Variants in RFFL observed in about 807,000 individuals in gnomAD.
RFFL encodes ring finger and FYVE like domain containing E3 ubiquitin protein ligase.
A neutral mutation model predicts 40.4 loss-of-function variants in RFFL; 16 were observed. The ratio of observed to expected loss-of-function variants is 0.40; its 90% confidence interval spans 0.27 to 0.60. The LOEUF is 0.60. Among genes scored for constraint, RFFL ranks in the 20% least tolerant of loss-of-function variants. The pLI, the probability that RFFL is intolerant of heterozygous loss-of-function variation, is 0.47. For missense variants in RFFL, 367 were observed against 451.7 expected (o/e 0.81, Z 1.70); for synonymous variants, 154 against 167.9 (o/e 0.92, Z 0.64).
At chr17:35,062,317 C>T (rs771042876) in intron 1 of RFFL, among the ~76,000 whole-genome samples, 5 of 151,900 alleles carry the variant, frequency 3.3e-5, no homozygotes, top group Non-Finnish European at 7.4e-5. Context: ...GCAGGAGAAT[C>T]GCTTGAACCA....
At chr17:35,084,589 T>C (rs2091419953) in intron 1 of RFFL, among the ~76,000 whole-genome samples, 1 of 137,230 alleles carries the variant, frequency 7.3e-6, no homozygotes, top group Non-Finnish European at 1.6e-5. Context: ...GCTGAGACTG[T>C]CTCAAAAATA....
At chr17:35,051,939 T>C (rs1246083825) in intron 1 of RFFL, among the ~76,000 whole-genome samples, 1 of 152,200 alleles carries the variant, frequency 6.6e-6, no homozygotes, top group Non-Finnish European at 1.5e-5. Flanking sequence ...ATTTGGTGGT[T>C]TCCCAGGCCA....
intron 2 of RFFL, 58 bp downstream of exon 2, chr17:35,026,316 C>A: frequency 1.3e-6 from 2 of 1,558,328 alleles, no homozygotes; most frequent in South Asian, 2.3e-5. Flanking sequence ...GGGTCAGTGG[C>A]GCTTGCCCAT....
chr17:35,041,853 C>T (rs2091168070), intron 1 of RFFL, among the ~76,000 whole-genome samples: 1 of 151,978 alleles, frequency 6.6e-6, no homozygotes, highest in South Asian at 2.1e-4. Flanking sequence ...CCCGTCTCTA[C>T]TAAAAACACA....
chr17:35,033,843 T>TA (rs2091101461), intron 1 of RFFL, among the ~76,000 whole-genome samples: 1 of 151,386 alleles, frequency 6.6e-6, no homozygotes, highest in Non-Finnish European at 1.5e-5. Context: ...TCCATCTCTA[T>TA]AAAAAATAAT....
At chr17:35,067,493 G>A (rs1195620741), upstream of RFFL, among the ~76,000 whole-genome samples, 1 of 128,952 alleles carries the variant, frequency 7.8e-6, no homozygotes, top group Non-Finnish European at 1.6e-5. Flanking sequence ...GTCTCGCTCT[G>A]TCGCCCAGGT....
chr17:35,020,676 C>G (rs908195827), intron 3 of RFFL, among the ~76,000 whole-genome samples: 2 of 152,000 alleles, frequency 1.3e-5, no homozygotes, highest in East Asian at 1.9e-4. Context: ...CACTCTAATC[C>G]AGTAGTTAGT....
chr17:35,065,294 G>A (rs1046645753), upstream of RFFL, among the ~76,000 whole-genome samples: 19 of 152,188 alleles, frequency 1.2e-4, no homozygotes, highest in African/African-American at 3.4e-4. Flanking sequence ...AGCGGTTCAC[G>A]CCTATAATTG....
chr17:35,028,277 G>C (rs1478102445), intron 1 of RFFL, among the ~76,000 whole-genome samples: 1 of 151,918 alleles, frequency 6.6e-6, no homozygotes, highest in Non-Finnish European at 1.5e-5. Context: ...GGAGATGGCA[G>C]TGAGCCGAGA....
intron 1 of RFFL, among the ~76,000 whole-genome samples, chr17:35,037,504 G>T (rs2142340588): frequency 6.6e-6 from 1 of 152,334 alleles, no homozygotes; most frequent in Admixed American, 6.5e-5. Flanking sequence ...ATTTTGAGAA[G>T]TAAAGAAGAA....
intron 1 of RFFL, among the ~76,000 whole-genome samples, chr17:35,058,223 C>T (rs561551048): frequency 1.3e-5 from 2 of 151,962 alleles, no homozygotes; most frequent in South Asian, 2.1e-4. Context: ...TATCTATCCC[C>T]CCCCACCATA....
At chr17:35,012,246 A>G in intron 6 of RFFL, 97 bp from the exon 7 acceptor site, 1 of 1,023,904 alleles carries the variant, frequency 9.8e-7, no homozygotes, top group Non-Finnish European at 1.4e-6. Context: ...GGGAGATAAC[A>G]GGTACATTGT....
chr17:35,011,505 A>C lies in RFFL; in HGVS notation c.*463T>G, dbSNP rs1039700874. 1 of 160,888 alleles carries C rather than the reference A, an allele frequency of 6.2e-6. No homozygotes were observed. The highest frequency in any genetic ancestry group is 1.4e-5 in the Non-Finnish European group (1 of 72,672). The allele number at this position is 160,888 out of a possible 1,614,324, so 10.0% of individuals were successfully genotyped here. A position where few individuals can be genotyped will look rare whatever the true frequency, so the allele number is the denominator to read the frequency against. ...TGTAGCAAGAGACTTTAGCAAAGAT[A>C]GTTAAAGCACAGAAAGCCGGAGAGA... On this transcript the variant is annotated 3_prime_UTR_variant, in exon 7 of 7. Transcript: ENST00000394597.
In RFFL at chr17:35,045,119, G is replaced by A. The variant is rs115856321; in HGVS notation, c.-9+18457C>T. On this transcript the variant is annotated intron_variant, in intron 1 of 6. Coordinates refer to ENST00000394597, the MANE Select transcript of RFFL (RefSeq NM_001017368.2). ...TGAATCTCCTGTACCTCTGGAGAAC[G>A]TAAGAGGAACAACAACAGGCAAGGT... Among the ~76,000 whole-genome samples, 580 of 152,102 alleles carry A rather than the reference G, an allele frequency of 3.8e-3. 3 individuals carry two copies. The highest frequency in any genetic ancestry group is 0.013 in the African/African-American group (528 of 41,486).
chr17:35,011,648 T>A lies in RFFL; in HGVS notation c.*320A>T. On this transcript the variant is annotated 3_prime_UTR_variant, in exon 7 of 7. Transcript: ENST00000394597. The stretch of plus-strand genomic sequence containing the variant: ...GGGTACAGGAGGAGGGGTGAAACTG[T>A]CTAGGTTCAGGGAGGAAGACAGGAC... 1 of 279,710 alleles carries A rather than the reference T, an allele frequency of 3.6e-6. No homozygotes were observed. 17.3% of individuals were successfully genotyped at this position (279,710 alleles called of 1,614,324 possible). A position where few individuals can be genotyped will look rare whatever the true frequency, so the allele number is the denominator to read the frequency against.
chr17:35,055,829 C>CT (rs1025136405), intron 1 of RFFL, among the ~76,000 whole-genome samples: 55 of 150,840 alleles, frequency 3.6e-4, no homozygotes, highest in African/African-American at 9.8e-4. Context: ...AAGCATAAGG[C>CT]TTTTTTTTTA....
At chr17:35,069,508 G>A (rs2091336394) in intron 1 of RFFL, 2 of 358,036 alleles carry the variant, frequency 5.6e-6, no homozygotes, top group African/African-American at 4.3e-5. Flanking sequence ...GGCAGAAGGA[G>A]AGATTTCAAA....
At chr17:35,072,198 T>C (rs1286176972) in intron 1 of RFFL, among the ~76,000 whole-genome samples, 2 of 151,742 alleles carry the variant, frequency 1.3e-5, no homozygotes, top group Non-Finnish European at 2.9e-5. Flanking sequence ...GGAGGATGGC[T>C]TGAGCTAGAG....
intron 1 of RFFL, among the ~76,000 whole-genome samples, chr17:35,072,501 A>G (rs1312714941): frequency 6.6e-6 from 1 of 152,072 alleles, no homozygotes; most frequent in Non-Finnish European, 1.5e-5. Context: ...GAGTAGCACA[A>G]GGGGGATCTT....
Sources: allele counts gnomAD v4.1 joint callset (sites outside exome capture counted in the v4.1 genomes callset), GRCh38; gene constraint gnomAD v4.1.1; transcripts MANE v1.5; gene names NCBI Gene and HGNC (gene_info 2026-07-23, HGNC 2026-07-21).